ARHGAP22: variants seen among roughly 807,000 people sequenced by gnomAD.
ARHGAP22 encodes rho GTPase-activating protein 22.
In ARHGAP22, 48 loss-of-function variants were observed where a neutral mutation model predicts 59.1. That is an observed-to-expected ratio of 0.81 (90% CI 0.64 to 1.03). The LOEUF is 1.03. Ranked by LOEUF, ARHGAP22 falls within the 50% of genes least tolerant of loss-of-function variation. The probability of loss-of-function intolerance (pLI) is 0.00; values close to 1 mark genes in which losing one functional copy is unlikely to be tolerated. For synonymous variants in ARHGAP22, 445 were observed against 416.4 expected (o/e 1.07, Z -0.84); for missense variants, 1,015 against 958.7 (o/e 1.06, Z -0.78).
intron 3 of ARHGAP22, among the ~76,000 whole-genome samples, chr10:48,514,654 T>C (rs2053115215): frequency 6.6e-6 from 1 of 152,142 alleles, no homozygotes; most frequent in Admixed American, 6.5e-5. Flanking sequence ...CATTAAGAAA[T>C]GAAGAGCACA....
At chr10:48,570,930 C>T (rs1246475515) in intron 2 of ARHGAP22, among the ~76,000 whole-genome samples, 1 of 152,236 alleles carries the variant, frequency 6.6e-6, no homozygotes, top group African/African-American at 2.4e-5. Context: ...TGGGAAACTG[C>T]CCTGCTCTGG....
At chr10:48,569,936 A>G (rs761003065) in intron 2 of ARHGAP22, among the ~76,000 whole-genome samples, 2 of 152,222 alleles carry the variant, frequency 1.3e-5, no homozygotes, top group African/African-American at 2.4e-5. Flanking sequence ...GTCCCCAGAC[A>G]TTGCTGATGC....
chr10:48,573,020 C>A (rs768524201), intron 2 of ARHGAP22, among the ~76,000 whole-genome samples: 1 of 152,128 alleles, frequency 6.6e-6, no homozygotes, highest in Non-Finnish European at 1.5e-5. Context: ...GGAATTAAAG[C>A]AAGTTAATAC....
chr10:48,578,074 G>T (rs1030469880), intron 2 of ARHGAP22, among the ~76,000 whole-genome samples: 3 of 152,090 alleles, frequency 2.0e-5, no homozygotes, highest in Admixed American at 1.3e-4. Context: ...CTCCCAAAGT[G>T]CTGGGACTAG....
intron 3 of ARHGAP22, among the ~76,000 whole-genome samples, chr10:48,520,308 A>T (rs562526773): frequency 6.6e-6 from 1 of 152,362 alleles, no homozygotes; most frequent in Non-Finnish European, 1.5e-5. Context: ...CCAGCAGGGC[A>T]GGGCTGCCTT....
chr10:48,512,773 T>C (rs1022401804), intron 3 of ARHGAP22, among the ~76,000 whole-genome samples: 7 of 152,176 alleles, frequency 4.6e-5, no homozygotes, highest in Non-Finnish European at 8.8e-5. Flanking sequence ...GCTCCAAGCT[T>C]CCAGAGCTTC....
intron 4 of ARHGAP22, 38 bp from the exon 5 acceptor site, chr10:48,459,929 C>A: frequency 1.3e-6 from 2 of 1,592,610 alleles, no homozygotes; most frequent in South Asian, 2.2e-5. Context: ...CCTCCACCAC[C>A]CAGCTCAGTG....
At chr10:48,482,612 G>A (rs1457842913) in intron 3 of ARHGAP22, among the ~76,000 whole-genome samples, 3 of 152,174 alleles carry the variant, frequency 2.0e-5, no homozygotes, top group Admixed American at 2.0e-4. Flanking sequence ...TAATCAGGTT[G>A]AGAAAGTTCT....
chr10:48,593,101 T>A lies in ARHGAP22; in HGVS notation c.35-9949A>T, dbSNP rs116376990. ...CCAGCATCTGGCTCTACACCTGCCA[T>A]ATGCCCTCTGCTCTCTGGGCCCTCC... On this transcript the variant is annotated intron_variant, in intron 1 of 9. Transcript: ENST00000249601. 3.9e-3 allele frequency among the ~76,000 whole-genome samples: 597 copies of A among 152,338 alleles called. 6 individuals carry two copies. The highest frequency in any genetic ancestry group is 0.014 in the African/African-American group (571 of 41,568).
intron 2 of ARHGAP22, among the ~76,000 whole-genome samples, chr10:48,572,728 T>TA (rs2058475561): frequency 6.6e-6 from 1 of 152,190 alleles, no homozygotes; most frequent in African/African-American, 2.4e-5. Flanking sequence ...TACCAGAGGC[T>TA]ATGCTTCCCA....
downstream of ARHGAP22, chr10:48,445,853 G>C (rs1435164709): frequency 6.3e-6 from 1 of 158,408 alleles, no homozygotes; most frequent in African/African-American, 2.4e-5. Flanking sequence ...ACATGCAGAC[G>C]AGACAGCTGA....
upstream of ARHGAP22, among the ~76,000 whole-genome samples, chr10:48,655,034 CTTTCTTTCTTT>C (rs1472000597): frequency 1.3e-4 from 8 of 61,204 alleles, no homozygotes; most frequent in African/African-American, 5.4e-4. Flanking sequence ...TTCTTTCATT[CTTTCTTTCTTT>C]CTTTCTTTCT....
At chr10:48,619,918 A>C (rs937544110) in intron 1 of ARHGAP22, among the ~76,000 whole-genome samples, 6 of 152,230 alleles carry the variant, frequency 3.9e-5, no homozygotes, top group Non-Finnish European at 7.3e-5. Flanking sequence ...GACAAGCTGC[A>C]GAGTGGAAAA....
At chr10:48,587,958 C>T (rs910426845) in intron 1 of ARHGAP22, among the ~76,000 whole-genome samples, 1 of 152,254 alleles carries the variant, frequency 6.6e-6, no homozygotes, top group Non-Finnish European at 1.5e-5. Context: ...TCCAGGCATG[C>T]CTGCCCCAAG....
chr10:48,492,370 G>A lies in ARHGAP22; in HGVS notation c.323-12606C>T, dbSNP rs186682950. On this transcript the variant is annotated intron_variant, in intron 3 of 9. Transcript: ENST00000249601. ...GGCTGCCTAGAGCACAGAAGCCCTC[G>A]GAGGGCCCTAGCAGCTGGGTGTCAG... 1.6e-3 allele frequency among the ~76,000 whole-genome samples: 237 copies of A among 152,192 alleles called. 2 individuals are homozygous for A. The highest frequency in any genetic ancestry group is 5.3e-3 in the African/African-American group (222 of 41,516).
At chr10:48,506,071 A>T (rs2052101259) in intron 3 of ARHGAP22, among the ~76,000 whole-genome samples, 1 of 152,194 alleles carries the variant, frequency 6.6e-6, no homozygotes, top group Non-Finnish European at 1.5e-5. Context: ...AGTTCCTGTA[A>T]GGTCAGGCAG....
intron 1 of ARHGAP22, among the ~76,000 whole-genome samples, chr10:48,641,975 C>A (rs2062066946): frequency 6.6e-6 from 1 of 152,156 alleles, no homozygotes. Context: ...CTTGAGTGAA[C>A]TCCCATTCAC....
chr10:48,530,512 C>T (rs1468219210), intron 3 of ARHGAP22, among the ~76,000 whole-genome samples: 1 of 152,142 alleles, frequency 6.6e-6, no homozygotes, highest in African/African-American at 2.4e-5. Context: ...TCTTTGTGAT[C>T]TTTACATCTG....
intron 1 of ARHGAP22, among the ~76,000 whole-genome samples, chr10:48,595,875 A>G (rs1380928919): frequency 6.6e-6 from 1 of 152,192 alleles, no homozygotes; most frequent in African/African-American, 2.4e-5. Context: ...GTTTCCATCT[A>G]AGGGGATCTA....
Sources: gnomAD v4.1 joint callset for allele counts (sites outside exome capture counted in the v4.1 genomes callset) on GRCh38, gnomAD v4.1.1 for gene constraint, MANE v1.5 for transcripts, NCBI Gene and HGNC (gene_info 2026-07-23, HGNC 2026-07-21) for gene names.